The following CTNNA3 variants were observed in gnomAD, a reference collection of about 807,000 sequenced individuals.
CTNNA3 encodes catenin alpha-3.
Under a neutral mutation model 95.7 loss-of-function variants are expected in CTNNA3, and 76 were observed. That is an observed-to-expected ratio of 0.79 (90% CI 0.66 to 0.96). The LOEUF is 0.96. Ranked by LOEUF, CTNNA3 falls within the 40% of genes least tolerant of loss-of-function variation. CTNNA3 has a pLI of 0.00. For synonymous variants in CTNNA3, 431 were observed against 374.4 expected, an observed-to-expected ratio of 1.15 and a Z score of -1.74; for missense variants, 1,191 against 1,089.8, an observed-to-expected ratio of 1.09 and a Z score of -1.31.
chr10:66,245,132 G>C (rs1369258964), intron 13 of CTNNA3, among the ~76,000 whole-genome samples: 1 of 152,198 alleles, frequency 6.6e-6, no homozygotes, highest in Non-Finnish European at 1.5e-5. Context: ...GGGTGGGTGA[G>C]TGAGTGTGGG....
intron 7 of CTNNA3, among the ~76,000 whole-genome samples, chr10:66,820,235 G>C (rs10997396): frequency 1.3e-4 from 20 of 152,014 alleles, no homozygotes; most frequent in African/African-American, 4.6e-4. Context: ...AAAGAAGCTG[G>C]TCACAAAAGC....
chr10:65,958,656 C>T (rs1418443572), intron 17 of CTNNA3, among the ~76,000 whole-genome samples: 4 of 152,126 alleles, frequency 2.6e-5, no homozygotes, highest in Non-Finnish European at 4.4e-5. Flanking sequence ...GCTGGAGGTC[C>T]ACTCCAGACC....
intron 3 of CTNNA3, among the ~76,000 whole-genome samples, chr10:67,605,748 G>A (rs1843252202): frequency 6.6e-6 from 1 of 150,742 alleles, no homozygotes; most frequent in Non-Finnish European, 1.5e-5. Flanking sequence ...GTGTGATCTC[G>A]GCTCACTGCA....
At chr10:66,354,733 A>G (rs1486870573) in intron 12 of CTNNA3, among the ~76,000 whole-genome samples, 1 of 152,028 alleles carries the variant, frequency 6.6e-6, no homozygotes, top group Admixed American at 6.5e-5. Flanking sequence ...CTAGACATCC[A>G]TTACTCTAAG....
At chr10:66,612,707 C>T (rs1446571407) in intron 10 of CTNNA3, among the ~76,000 whole-genome samples, 3 of 152,114 alleles carry the variant, frequency 2.0e-5, no homozygotes, top group Admixed American at 1.3e-4. Flanking sequence ...AAAGAAACAA[C>T]GTGGCTTAGA....
chr10:66,918,308 C>T (rs1264958546), intron 7 of CTNNA3, among the ~76,000 whole-genome samples: 1 of 152,152 alleles, frequency 6.6e-6, no homozygotes, highest in Non-Finnish European at 1.5e-5. Flanking sequence ...ATAAAGTTCT[C>T]AAACTTGCCA....
intron 7 of CTNNA3, among the ~76,000 whole-genome samples, chr10:66,809,438 AC>A (rs1355988765): frequency 1.3e-5 from 2 of 152,074 alleles, no homozygotes; most frequent in African/African-American, 4.8e-5. Context: ...TCCATTACTA[AC>A]TTTTTACTTT....
At chr10:67,166,634 C>T (rs1004756205) in intron 7 of CTNNA3, among the ~76,000 whole-genome samples, 1 of 152,138 alleles carries the variant, frequency 6.6e-6, no homozygotes, top group Non-Finnish European at 1.5e-5. Context: ...ACCATTATGG[C>T]TAAGGAGACA....
chr10:66,947,544 C>T (rs2132706813), intron 7 of CTNNA3, among the ~76,000 whole-genome samples: 1 of 152,202 alleles, frequency 6.6e-6, no homozygotes, highest in East Asian at 1.9e-4. Context: ...CTGTCTCCCT[C>T]TCCCCTGCTG....
chr10:67,220,829 C>T (rs114550382), intron 5 of CTNNA3, among the ~76,000 whole-genome samples: 1,902 of 152,216 alleles, frequency 0.012, 45 homozygotes, highest in African/African-American at 0.043. Flanking sequence ...AGTGATATCA[C>T]ATGGATATCA....
intron 7 of CTNNA3, among the ~76,000 whole-genome samples, chr10:66,977,199 G>A (rs1184783975): frequency 1.3e-5 from 2 of 152,134 alleles, no homozygotes; most frequent in Non-Finnish European, 2.9e-5. Flanking sequence ...AGCACTTTGG[G>A]AGGCCGAGGC....
chr10:66,824,782 T>C (rs569771697), intron 7 of CTNNA3, among the ~76,000 whole-genome samples: 1 of 152,216 alleles, frequency 6.6e-6, no homozygotes, highest in African/African-American at 2.4e-5. Context: ...TGAGAAGTCA[T>C]CGCCGTCTAA....
At chr10:66,629,523 T>C (rs1845059325) in intron 9 of CTNNA3, among the ~76,000 whole-genome samples, 1 of 152,138 alleles carries the variant, frequency 6.6e-6, no homozygotes, top group Admixed American at 6.5e-5. Flanking sequence ...TTTATTTATT[T>C]TATTCTTGTT....
chr10:66,428,992 T>C (rs1344747259), intron 11 of CTNNA3, among the ~76,000 whole-genome samples: 1 of 151,552 alleles, frequency 6.6e-6, no homozygotes, highest in African/African-American at 2.4e-5. Flanking sequence ...ATCAAAAAAA[T>C]TGATAGACCG....
chr10:67,021,914 C>T (rs1409403224), intron 7 of CTNNA3, among the ~76,000 whole-genome samples: 1 of 152,118 alleles, frequency 6.6e-6, no homozygotes, highest in Non-Finnish European at 1.5e-5. Flanking sequence ...GACTTAGAGG[C>T]TGAGAGCCTG....
chr10:66,719,492 A>C (rs748989441), intron 9 of CTNNA3, among the ~76,000 whole-genome samples: 4 of 152,188 alleles, frequency 2.6e-5, no homozygotes, highest in Non-Finnish European at 5.9e-5. Context: ...CCTGCAGTAA[A>C]TACTCTTTGA....
intron 7 of CTNNA3, among the ~76,000 whole-genome samples, chr10:67,006,056 G>T (rs1423622597): frequency 6.6e-6 from 1 of 151,884 alleles, no homozygotes; most frequent in Non-Finnish European, 1.5e-5. Context: ...CATTATTACA[G>T]TAATTATCTA....
At chr10:67,550,828 T>C (rs1176854971) in intron 3 of CTNNA3, among the ~76,000 whole-genome samples, 2 of 152,192 alleles carry the variant, frequency 1.3e-5, no homozygotes, top group Admixed American at 6.5e-5. Context: ...ATATTTTATA[T>C]ATTTTAGTGT....
At chr10:67,355,366 C>T (rs945113175) in intron 5 of CTNNA3, among the ~76,000 whole-genome samples, 8 of 151,988 alleles carry the variant, frequency 5.3e-5, no homozygotes, top group Admixed American at 3.3e-4. Flanking sequence ...AAGTACCATA[C>T]TGTGTGTAGC....
Sources: allele counts gnomAD v4.1 joint callset (sites outside exome capture counted in the v4.1 genomes callset), GRCh38; gene constraint gnomAD v4.1.1; transcripts MANE v1.5; gene names NCBI Gene and HGNC (gene_info 2026-07-23, HGNC 2026-07-21).